CLEC5A: variants seen among roughly 807,000 people sequenced by gnomAD.
CLEC5A encodes the protein C-type lectin domain family 5 member A.
CLEC5A carries 15 observed loss-of-function variants against 24.4 expected under a neutral mutation model. The ratio of observed to expected loss-of-function variants is 0.62; its 90% CI spans 0.41 to 0.95. The LOEUF (loss-of-function observed/expected upper bound fraction) is 0.95, where lower values mean the gene tolerates loss of function less well. Ranked by LOEUF, CLEC5A falls within the 40% of genes least tolerant of loss-of-function variation. The pLI is 0.00. For missense variants in CLEC5A, 211 were observed against 224.0 expected, an observed-to-expected ratio of 0.94 and a Z score of 0.37; for synonymous variants, 71 against 72.6, an observed-to-expected ratio of 0.98 and a Z score of 0.11.
At chr7:141,940,807 G>T (rs1202369034) in intron 4 of CLEC5A, among the ~76,000 whole-genome samples, 1 of 151,986 alleles carries the variant, frequency 6.6e-6, no homozygotes, top group Non-Finnish European at 1.5e-5. Flanking sequence ...GCAACTATAT[G>T]CCAATAAATT....
chr7:141,942,275 A>G (rs190906887), intron 4 of CLEC5A, among the ~76,000 whole-genome samples: 1 of 152,236 alleles, frequency 6.6e-6, no homozygotes, highest in African/African-American at 2.4e-5. Flanking sequence ...ATAATTCCCT[A>G]CGTCTATAGT....
intron 4 of CLEC5A, among the ~76,000 whole-genome samples, chr7:141,937,306 G>T (rs1802660087): frequency 6.6e-6 from 1 of 151,966 alleles, no homozygotes; most frequent in African/African-American, 2.4e-5. Flanking sequence ...GACATAAAGG[G>T]TAGGTTCTAG....
Position 141,930,014 on chromosome 7 carries a change from C to A in CLEC5A, c.*90G>T. 1.0e-6 allele frequency: 1 copy of A among 991,096 alleles called. No homozygotes were observed. 61.4% of individuals were successfully genotyped at this position (991,096 alleles called of 1,614,324 possible). On this transcript the variant is annotated 3_prime_UTR_variant, in exon 7 of 7. Transcript: ENST00000546910. ...ATGGGCAAGGACCGCTACTGGTAGA[C>A]AGATAGGTAAGTAAAAGAATCATTG...
chr7:141,943,782 T>C (rs1563077580), intron 4 of CLEC5A, 114 bp downstream of exon 4: 11 of 739,432 alleles, frequency 1.5e-5, no homozygotes, highest in Non-Finnish European at 2.5e-5. Context: ...AAGGTCGTTA[T>C]GGTCCCTTTG....
At chr7:141,941,117 A>T (rs1554441607) in intron 4 of CLEC5A, among the ~76,000 whole-genome samples, 1 of 152,102 alleles carries the variant, frequency 6.6e-6, no homozygotes, top group African/African-American at 2.4e-5. Context: ...CCAGACTAAG[A>T]CACATCAAAA....
At chr7:141,943,704 T>A (rs1306025875) in intron 4 of CLEC5A, among the ~76,000 whole-genome samples, 192 bp downstream of exon 4, 1 of 152,118 alleles carries the variant, frequency 6.6e-6, no homozygotes, top group Non-Finnish European at 1.5e-5. Flanking sequence ...TGAATATATA[T>A]ACCTACTATG....
intron 5 of CLEC5A, among the ~76,000 whole-genome samples, chr7:141,934,177 T>C (rs1554440763): frequency 6.6e-6 from 1 of 152,104 alleles, no homozygotes; most frequent in African/African-American, 2.4e-5. Flanking sequence ...AATGGTACAG[T>C]TTAGAGCCTT....
rs1230878236 is a variant in CLEC5A, at chr7:141,928,152, T to C, written c.*1952A>G. The C allele has an allele frequency of 6.6e-6, 1 of 152,174 alleles. No individual in the cohort carries two copies. The highest frequency in any genetic ancestry group is 6.6e-5 in the Admixed American group (1 of 15,266). The allele number at this position is 152,174 out of a possible 1,614,324, so 9.4% of individuals were successfully genotyped here. A position where few individuals can be genotyped will look rare whatever the true frequency, so the allele number is the denominator to read the frequency against. On this transcript the variant is annotated 3_prime_UTR_variant, in exon 7 of 7. Coordinates refer to ENST00000546910, the MANE Select transcript of CLEC5A (RefSeq NM_013252.3). ...TCCAGGAACTCTTCCAATGATGAAC[T>C]TAAACCAAATCCCACATATTCCCTA...
chr7:141,930,191 G>C lies in CLEC5A; in HGVS notation c.480C>G (p.Asn160Lys). The part of the protein sequence containing the change: ...GNVTNQNQNF[N>K]CATIGLTKTF... ...TCTTTGTTAGGCCAATGGTCGCACA[G>C]TTGAAATTCTGATTCTGATTGGTAA... Residue 160 changes from asparagine (N) to lysine (K), a missense_variant, in exon 7 of 7, where the codon AAC becomes AAG. Transcript: ENST00000546910. 1.2e-6 allele frequency: 2 copies of C among 1,614,012 alleles called. No homozygotes were observed. Among genetic ancestry groups the C allele is most frequent in the Non-Finnish European group, 8.5e-7 (1 of 1,179,906 alleles).
chr7:141,938,594 T>C lies in CLEC5A; in HGVS notation c.209-2644A>G, dbSNP rs996738546. Reference sequence around the variant, plus strand: ...TTCCAAGGGATAATAACAGAGAACTTCCCAAACCTAGGGAAAGATATCAAT... The same window carrying C: ...TTCCAAGGGATAATAACAGAGAACTCCCCAAACCTAGGGAAAGATATCAAT... On this transcript the variant is annotated intron_variant, in intron 4 of 6. Coordinates refer to ENST00000546910, the MANE Select transcript of CLEC5A (RefSeq NM_013252.3). 4.6e-5 allele frequency among the ~76,000 whole-genome samples: 7 copies of C among 152,200 alleles called. No individual in the cohort carries two copies. The East Asian group carries it at 1.4e-3, about 29-fold the overall frequency.
chr7:141,941,730 G>A (rs1261279215), intron 4 of CLEC5A, among the ~76,000 whole-genome samples: 1 of 151,844 alleles, frequency 6.6e-6, no homozygotes, highest in Non-Finnish European at 1.5e-5. Flanking sequence ...ATTCAGTAAA[G>A]CTCCAGGATA....
chr7:141,928,344 GCAACTA>G lies in CLEC5A; in HGVS notation c.*1754_*1759del, dbSNP rs1802359466. 6.6e-6 allele frequency: 1 copy of G among 152,508 alleles called. No individual in the cohort carries two copies. Among genetic ancestry groups the G allele is most frequent in the East Asian group, 1.9e-4 (1 of 5,198 alleles). The allele number at this position is 152,508 out of a possible 1,614,324, so 9.4% of individuals were successfully genotyped here. ...ATTCTGTCATGAAATAGGAAGTGAA[GCAACTA>G]CAGTTCTCTCTTCTCAAAACAGAAG... On this transcript the variant is annotated 3_prime_UTR_variant, in exon 7 of 7. Transcript: ENST00000546910.
intron 4 of CLEC5A, among the ~76,000 whole-genome samples, chr7:141,937,524 T>A (rs1213233013): frequency 1.3e-5 from 2 of 152,050 alleles, no homozygotes; most frequent in Non-Finnish European, 2.9e-5. Context: ...GAACACCAGG[T>A]AGATTTATAA....
chr7:141,945,270 G>T (rs2128962845), intron 3 of CLEC5A, 71 bp downstream of exon 3: 2 of 1,064,298 alleles, frequency 1.9e-6, no homozygotes, highest in East Asian at 2.4e-5. Flanking sequence ...GAGGCTGTGT[G>T]GAAGGTCTCT....
In CLEC5A at chr7:141,931,756, C is replaced by G. The variant is rs781867395; in HGVS notation, c.416G>C (p.Arg139Thr). 2.7e-5 allele frequency: 43 copies of G among 1,603,554 alleles called. No homozygotes were observed. The highest frequency in any genetic ancestry group is 3.3e-4 in the Middle Eastern group (2 of 6,038). ...CACAGAGTTGTTGATCCAACGCCACCTTTTCTCTTCACGATGGTAAATTAA... is the reference window on the plus strand; with the variant it reads ...CACAGAGTTGTTGATCCAACGCCACGTTTTCTCTTCACGATGGTAAATTAA... Reference protein sequence around the residue: ...IGLIYHREEKRWRWINNSVFN... With the variant: ...IGLIYHREEKTWRWINNSVFN... Residue 139 changes from arginine (R) to threonine (T), a missense_variant, in exon 6 of 7, where the codon AGG (arginine) becomes ACG (threonine). Coordinates refer to ENST00000546910, the MANE Select transcript of CLEC5A (RefSeq NM_013252.3).
chr7:141,946,139 A>T, intron 2 of CLEC5A, 75 bp downstream of exon 2: 1 of 1,474,628 alleles, frequency 6.8e-7, no homozygotes. Context: ...TTTACACACA[A>T]CCATGCATTC....
At chr7:141,944,114 C>G in intron 3 of CLEC5A, 150 bp from the exon 4 acceptor site, 1 of 537,332 alleles carries the variant, frequency 1.9e-6, no homozygotes, top group Non-Finnish European at 3.4e-6. Context: ...TAATTTCTTT[C>G]TTTGAGCCTT....
intron 3 of CLEC5A, among the ~76,000 whole-genome samples, chr7:141,944,632 C>T (rs1033921079): frequency 6.6e-5 from 10 of 152,112 alleles, no homozygotes; most frequent in Non-Finnish European, 1.2e-4. Context: ...AGCAGGCAGC[C>T]GCAGTGGCTT....
intron 4 of CLEC5A, among the ~76,000 whole-genome samples, chr7:141,939,542 C>A (rs989236502): frequency 1.3e-5 from 2 of 151,740 alleles, no homozygotes; most frequent in Non-Finnish European, 2.9e-5. Context: ...CAAAAAACAA[C>A]CAGAAAACAA....
Sources: allele counts gnomAD v4.1 joint callset (sites outside exome capture counted in the v4.1 genomes callset), GRCh38; gene constraint gnomAD v4.1.1; transcripts MANE v1.5; gene names NCBI Gene and HGNC (gene_info 2026-07-23, HGNC 2026-07-21).